The following HTR1F variants were observed in gnomAD, a reference collection of about 807,000 sequenced individuals.
HTR1F encodes 5-hydroxytryptamine receptor 1F, also known as 5-hydroxytryptamine (serotonin) receptor 1F, G protein-coupled.
Under a neutral mutation model 24.0 loss-of-function variants are expected in HTR1F, and 17 were observed. The ratio of observed to expected loss-of-function variants is 0.71; its 90% CI spans 0.48 to 1.06. The LOEUF (loss-of-function observed/expected upper bound fraction) is 1.06, where lower values mean the gene tolerates loss of function less well. Ranked by LOEUF, HTR1F falls within the 50% of genes least tolerant of loss-of-function variation. The pLI is 0.00. For synonymous variants in HTR1F, 186 were observed against 156.8 expected, an observed-to-expected ratio of 1.19 and a Z score of -1.39; for missense variants, 391 against 427.8, an observed-to-expected ratio of 0.91 and a Z score of 0.76.
In HTR1F at chr3:87,990,376, C is replaced by G. The variant is rs542265814; in HGVS notation, c.-42-332C>G. ...TGCGTTATTGAGATCGGGCCTGCCA[C>G]ACTTTTAAACTTTTTCTGACATGGA... On this transcript the variant is annotated intron_variant, in intron 2 of 2. Coordinates refer to ENST00000319595, the MANE Select transcript of HTR1F (RefSeq NM_001322209.2). Among the ~76,000 whole-genome samples, 192 of 152,238 alleles carry G rather than the reference C, an allele frequency of 1.3e-3. 1 individual carries two copies. The highest frequency in any genetic ancestry group is 1.8e-3 in the Admixed American group (27 of 15,288).
At position 87,991,808 on chromosome 3, in the gene HTR1F, C is replaced by T. The variant is rs779438575; in HGVS notation, c.1059C>T (p.Asp353=). 1.9e-6 allele frequency: 3 copies of T among 1,591,742 alleles called. No individual in the cohort carries two copies. In the African/African-American group the frequency reaches 4.1e-5, roughly 22 times the overall value. ...TGATTTACACAATCTTTAATGAAGA[C>T]TTCAAGAAAGCATTCCAAAAGCTTG... ...NPLIYTIFNE[D]FKKAFQKLVR... Residue 353 remains aspartate, a synonymous_variant, in exon 3 of 3, where the codon GAC becomes GAT. Transcript: ENST00000319595.
intron 2 of HTR1F, among the ~76,000 whole-genome samples, chr3:87,861,293 A>G (rs1485328091): frequency 6.6e-6 from 1 of 152,216 alleles, no homozygotes; most frequent in African/African-American, 2.4e-5. Context: ...TTTACTCACT[A>G]AGAACATTTT....
chr3:87,835,624 C>T (rs1358000581), intron 2 of HTR1F, among the ~76,000 whole-genome samples: 1 of 152,186 alleles, frequency 6.6e-6, no homozygotes, highest in Non-Finnish European at 1.5e-5. Context: ...TTTTCAATTT[C>T]CTGTACTTCC....
At chr3:87,968,359 C>G (rs576357036) in intron 2 of HTR1F, among the ~76,000 whole-genome samples, 20 of 152,158 alleles carry the variant, frequency 1.3e-4, no homozygotes, top group African/African-American at 4.8e-4. Flanking sequence ...ATTACAGATG[C>G]CTGACATCAC....
At chr3:87,911,871 T>A (rs562852917) in intron 2 of HTR1F, among the ~76,000 whole-genome samples, 33 of 152,130 alleles carry the variant, frequency 2.2e-4, no homozygotes, top group Non-Finnish European at 2.6e-4. Flanking sequence ...CAACTTCCTT[T>A]CATGTTCAAA....
chr3:87,932,671 A>T (rs922318365), intron 2 of HTR1F, among the ~76,000 whole-genome samples: 2 of 152,102 alleles, frequency 1.3e-5, no homozygotes, highest in Non-Finnish European at 2.9e-5. Flanking sequence ...TGAATCTCTG[A>T]ATAGACTAAT....
At chr3:87,845,078 T>C (rs1339792480) in intron 2 of HTR1F, among the ~76,000 whole-genome samples, 29 of 151,648 alleles carry the variant, frequency 1.9e-4, no homozygotes, top group Non-Finnish European at 1.0e-4. Flanking sequence ...TGATGGGACA[T>C]ATTTCAAAAT....
intron 2 of HTR1F, among the ~76,000 whole-genome samples, chr3:87,988,735 ATT>A (rs533969918): frequency 4.9e-5 from 7 of 142,098 alleles, no homozygotes; most frequent in African/African-American, 1.1e-4. Context: ...AGCCCCAATA[ATT>A]TTTTTTTTTT....
intron 2 of HTR1F, among the ~76,000 whole-genome samples, chr3:87,941,530 A>T (rs1306528452): frequency 1.3e-5 from 2 of 152,146 alleles, no homozygotes; most frequent in African/African-American, 4.8e-5. Flanking sequence ...GCTAAAAGTA[A>T]CTTAGCCCCG....
At chr3:87,972,201 G>A (rs1428529034) in intron 2 of HTR1F, among the ~76,000 whole-genome samples, 1 of 152,274 alleles carries the variant, frequency 6.6e-6, no homozygotes, top group Non-Finnish European at 1.5e-5. Flanking sequence ...ATTATAAATG[G>A]TGGTTAAATT....
intron 2 of HTR1F, among the ~76,000 whole-genome samples, chr3:87,904,393 C>A (rs1703610869): frequency 6.6e-6 from 1 of 151,920 alleles, no homozygotes; most frequent in South Asian, 2.1e-4. Flanking sequence ...GAAATGTGTA[C>A]ATATATATAT....
chr3:87,940,821 C>T (rs1278046926), intron 2 of HTR1F, among the ~76,000 whole-genome samples: 1 of 152,150 alleles, frequency 6.6e-6, no homozygotes, highest in Non-Finnish European at 1.5e-5. Flanking sequence ...AGTTACTTTC[C>T]TCATGGTTGT....
intron 2 of HTR1F, among the ~76,000 whole-genome samples, chr3:87,915,548 G>A (rs550277672): frequency 1.2e-4 from 18 of 152,152 alleles, no homozygotes; most frequent in African/African-American, 4.1e-4. Context: ...CACACTTACA[G>A]AAATGCAAAA....
At position 87,823,761 on chromosome 3, in the gene HTR1F, T is replaced by TA. The variant is rs112560405; in HGVS notation, c.-43+1645dup. On this transcript the variant is annotated intron_variant, in intron 2 of 2. Transcript: ENST00000319595. ...CCCAAAGTGCTGGGATTACAGGCTTTAAAAAAAACAAAAACAGGCCAGGCA... is the reference window on the plus strand; with the variant it reads ...CCCAAAGTGCTGGGATTACAGGCTTTAAAAAAAAACAAAAACAGGCCAGGCA... Among the ~76,000 whole-genome samples, 1,050 of 151,454 alleles carry TA rather than the reference T, an allele frequency of 6.9e-3. 19 individuals carry two copies. The highest frequency in any genetic ancestry group is 0.024 in the African/African-American group (990 of 41,298).
At chr3:87,873,658 T>C (rs1389956231) in intron 2 of HTR1F, among the ~76,000 whole-genome samples, 1 of 152,134 alleles carries the variant, frequency 6.6e-6, no homozygotes, top group Non-Finnish European at 1.5e-5. Flanking sequence ...CCATCACAAA[T>C]ATTGATGCAA....
At chr3:87,802,650 G>C (rs571489522) in intron 1 of HTR1F, among the ~76,000 whole-genome samples, 9 of 152,100 alleles carry the variant, frequency 5.9e-5, no homozygotes, top group Non-Finnish European at 1.0e-4. Flanking sequence ...CTCCTGGCTT[G>C]ATTTTGTTTT....
rs547268517 is a variant in HTR1F, at chr3:87,912,422, G to A, written c.-42-78286G>A. ...AGCACTGCTCAAAGAAATCAGAGATGATACAAACAAATGGAAAAACATTCC... is the reference window on the plus strand; with the variant it reads ...AGCACTGCTCAAAGAAATCAGAGATAATACAAACAAATGGAAAAACATTCC... On this transcript the variant is annotated intron_variant, in intron 2 of 2. Transcript: ENST00000319595. Among the ~76,000 whole-genome samples, 123 of 152,010 alleles carry A rather than the reference G, an allele frequency of 8.1e-4. 2 individuals are homozygous for A. The highest frequency in any genetic ancestry group is 6.8e-3 in the Middle Eastern group (2 of 294).
intron 2 of HTR1F, among the ~76,000 whole-genome samples, chr3:87,989,738 G>A (rs1466316318): frequency 6.6e-6 from 1 of 152,042 alleles, no homozygotes; most frequent in African/African-American, 2.4e-5. Flanking sequence ...TGCACAAATG[G>A]TGTGTGCTTT....
At chr3:87,912,770 C>T (rs1056568168) in intron 2 of HTR1F, among the ~76,000 whole-genome samples, 5 of 151,782 alleles carry the variant, frequency 3.3e-5, no homozygotes, top group Admixed American at 6.6e-5. Flanking sequence ...AGTGGAGAGC[C>T]GAGAAATAAG....
Sources: allele counts gnomAD v4.1 joint callset (sites outside exome capture counted in the v4.1 genomes callset), GRCh38; gene constraint gnomAD v4.1.1; transcripts MANE v1.5; gene names NCBI Gene and HGNC (gene_info 2026-07-23, HGNC 2026-07-21).